The following LHFPL3 variants were observed in gnomAD, a reference collection of about 807,000 sequenced individuals.
LHFPL3 encodes the protein LHFPL tetraspan subfamily member 3.
A neutral mutation model predicts 19.3 loss-of-function variants in LHFPL3; 5 were observed. That is an observed-to-expected ratio of 0.26 (90% CI 0.14 to 0.54). LHFPL3 has a LOEUF of 0.54. Among genes scored for constraint, LHFPL3 ranks in the 20% least tolerant of loss-of-function variants. The pLI, the probability that LHFPL3 is intolerant of heterozygous loss-of-function variation, is 0.94. For missense variants in LHFPL3, 249 were observed against 307.4 expected (o/e 0.81, Z 1.42); for synonymous variants, 133 against 126.2 (o/e 1.05, Z -0.36).
intron 1 of LHFPL3, among the ~76,000 whole-genome samples, chr7:104,674,202 G>C (rs1380044530): frequency 1.3e-5 from 2 of 150,798 alleles, no homozygotes; most frequent in African/African-American, 4.9e-5. Context: ...TCCTCCTCTG[G>C]TCAGTTCTCA....
At chr7:104,603,074 CTTTCTT>C (rs1791005182) in intron 1 of LHFPL3, among the ~76,000 whole-genome samples, 2 of 58,500 alleles carry the variant, frequency 3.4e-5, no homozygotes, top group African/African-American at 1.1e-4. Context: ...CTTTTTCTTT[CTTTCTT>C]TCTTTCTTTC....
intron 2 of LHFPL3, among the ~76,000 whole-genome samples, chr7:104,776,569 G>A (rs1003781342): frequency 3.3e-5 from 5 of 152,212 alleles, no homozygotes; most frequent in Admixed American, 3.3e-4. Flanking sequence ...CAGGTCTGGA[G>A]GTGAGGCCCA....
intron 1 of LHFPL3, among the ~76,000 whole-genome samples, chr7:104,406,844 A>T (rs1274068637): frequency 6.6e-6 from 1 of 152,228 alleles, no homozygotes; most frequent in Non-Finnish European, 1.5e-5. Context: ...GCTTGAGGGG[A>T]CTTATAATTT....
chr7:104,430,390 A>ATATACATGTG (rs1791946064), intron 1 of LHFPL3, among the ~76,000 whole-genome samples: 2 of 59,466 alleles, frequency 3.4e-5, no homozygotes, highest in African/African-American at 6.9e-5. Flanking sequence ...ATACATATAT[A>ATATACATGTG]TATATATATA....
chr7:104,629,110 ATATCT>A (rs1435010759), intron 1 of LHFPL3, among the ~76,000 whole-genome samples: 3 of 152,184 alleles, frequency 2.0e-5, no homozygotes, highest in Admixed American at 2.0e-4. Context: ...GAAACCAAAA[ATATCT>A]TATGTGTGTT....
At chr7:104,621,267 A>G (rs1791441817) in intron 1 of LHFPL3, among the ~76,000 whole-genome samples, 1 of 152,204 alleles carries the variant, frequency 6.6e-6, no homozygotes, top group Non-Finnish European at 1.5e-5. Flanking sequence ...TTCTCCCTTT[A>G]TGGATTAGTA....
At chr7:104,367,847 G>T (rs1167646542) in intron 1 of LHFPL3, among the ~76,000 whole-genome samples, 1 of 152,150 alleles carries the variant, frequency 6.6e-6, no homozygotes. Context: ...TTTTAATTTT[G>T]TCTAAAGACA....
intron 2 of LHFPL3, among the ~76,000 whole-genome samples, chr7:104,746,200 T>C (rs970677960): frequency 2.0e-5 from 3 of 152,130 alleles, no homozygotes; most frequent in Non-Finnish European, 4.4e-5. Context: ...TAGTCCCAGA[T>C]ACTTGGGAGG....
intron 2 of LHFPL3, among the ~76,000 whole-genome samples, chr7:104,864,060 A>G (rs966439961): frequency 1.3e-5 from 2 of 152,216 alleles, no homozygotes; most frequent in Admixed American, 1.3e-4. Flanking sequence ...CTCCATCAAC[A>G]TTTTGTTAAT....
At chr7:104,767,134 G>A (rs1794469017) in intron 2 of LHFPL3, among the ~76,000 whole-genome samples, 1 of 152,230 alleles carries the variant, frequency 6.6e-6, no homozygotes, top group South Asian at 2.1e-4. Flanking sequence ...CCTGAAGAGT[G>A]ACATTTCTCA....
intron 2 of LHFPL3, among the ~76,000 whole-genome samples, chr7:104,876,351 G>A (rs1175663033): frequency 1.3e-5 from 2 of 152,124 alleles, no homozygotes; most frequent in African/African-American, 4.8e-5. Flanking sequence ...GCAACCTACA[G>A]AATGGGAGAA....
At chr7:104,682,342 A>G (rs1293993865) in intron 1 of LHFPL3, among the ~76,000 whole-genome samples, 2 of 152,196 alleles carry the variant, frequency 1.3e-5, no homozygotes, top group Non-Finnish European at 2.9e-5. Flanking sequence ...AGCTTGTGAG[A>G]AACGCAGAAT....
At chr7:104,754,950 G>A (rs1379425526) in intron 2 of LHFPL3, among the ~76,000 whole-genome samples, 2 of 152,142 alleles carry the variant, frequency 1.3e-5, no homozygotes, top group Non-Finnish European at 2.9e-5. Context: ...GCAGAGTGCG[G>A]TTCATCTAAG....
At chr7:104,792,255 C>T (rs1444111850) in intron 2 of LHFPL3, among the ~76,000 whole-genome samples, 1 of 152,142 alleles carries the variant, frequency 6.6e-6, no homozygotes, top group Admixed American at 6.6e-5. Flanking sequence ...GTGCCTGTAG[C>T]CTCCTCGTTA....
intron 1 of LHFPL3, among the ~76,000 whole-genome samples, chr7:104,429,660 G>T (rs953877842): frequency 6.6e-6 from 1 of 151,942 alleles, no homozygotes; most frequent in Non-Finnish European, 1.5e-5. Context: ...CAGAATCTTA[G>T]CATCACAACT....
intron 2 of LHFPL3, among the ~76,000 whole-genome samples, chr7:104,763,467 A>C (rs1367932942): frequency 3.3e-5 from 5 of 152,246 alleles, no homozygotes; most frequent in African/African-American, 9.6e-5. Flanking sequence ...TTTCCTATAC[A>C]TGGCTTACTG....
intron 1 of LHFPL3, among the ~76,000 whole-genome samples, chr7:104,485,976 A>G (rs62485106): frequency 0.09 from 13,643 of 152,204 alleles, 723 homozygotes; most frequent in Middle Eastern, 0.16. Flanking sequence ...TAGTCAGGTA[A>G]ACGTCTTCAG....
chr7:104,737,050 C>G, intron 2 of LHFPL3, 139 bp downstream of exon 2: 1 of 632,446 alleles, frequency 1.6e-6, no homozygotes, highest in Non-Finnish European at 2.8e-6. Flanking sequence ...AGCTTGCAGA[C>G]TTTACCCCAG....
intron 2 of LHFPL3, among the ~76,000 whole-genome samples, chr7:104,769,312 C>T (rs1479765150): frequency 6.6e-6 from 1 of 152,042 alleles, no homozygotes. Context: ...TTCTTTTTTG[C>T]CTTTCAAAGT....
Sources: allele counts gnomAD v4.1 joint callset (sites outside exome capture counted in the v4.1 genomes callset), GRCh38; gene constraint gnomAD v4.1.1; transcripts MANE v1.5; gene names NCBI Gene and HGNC (gene_info 2026-07-23, HGNC 2026-07-21).